PLCXD3: variants seen among roughly 807,000 people sequenced by gnomAD.
PLCXD3 encodes PI-PLC X domain-containing protein 3.
Under a neutral mutation model 25.5 loss-of-function variants are expected in PLCXD3, and 19 were observed. The ratio of observed to expected loss-of-function variants is 0.75; its 90% CI spans 0.52 to 1.09. The LOEUF (loss-of-function observed/expected upper bound fraction) is 1.09, where lower values mean the gene tolerates loss of function less well. Among genes scored for constraint, PLCXD3 ranks in the 50% least tolerant of loss-of-function variants. The probability of loss-of-function intolerance (pLI) is 0.00; values close to 1 mark genes in which losing one functional copy is unlikely to be tolerated. For missense variants in PLCXD3, 411 were observed against 388.1 expected (o/e 1.06, Z -0.50); for synonymous variants, 174 against 137.6 (o/e 1.26, Z -1.85).
intron 2 of PLCXD3, among the ~76,000 whole-genome samples, chr5:41,360,452 A>G (rs372968649): frequency 9.2e-5 from 14 of 152,246 alleles, no homozygotes; most frequent in African/African-American, 3.4e-4. Flanking sequence ...TATTACCAGA[A>G]TTGTTTTTCT....
At chr5:41,473,689 C>T (rs1224354807) in intron 1 of PLCXD3, among the ~76,000 whole-genome samples, 1 of 152,068 alleles carries the variant, frequency 6.6e-6, no homozygotes, top group Non-Finnish European at 1.5e-5. Context: ...ATCTCCTGAC[C>T]TCGTGATCTG....
In PLCXD3 at chr5:41,496,872, CTT is replaced by C. The variant is rs369018524; in HGVS notation, c.103+13550_103+13551del. ...TAAAAGACAAGAATGTTAAAAATAA[CTT>C]ATAGCTAGAAAAATATATTAAAGGA... On this transcript the variant is annotated intron_variant, in intron 1 of 2. Coordinates refer to ENST00000377801, the MANE Select transcript of PLCXD3 (RefSeq NM_001005473.3). 8.3e-4 allele frequency among the ~76,000 whole-genome samples: 126 copies of C among 151,376 alleles called. 1 individual carries two copies. In the East Asian group the frequency reaches 0.016, roughly 20 times the overall value.
chr5:41,469,200 C>A (rs992400594), intron 1 of PLCXD3, among the ~76,000 whole-genome samples: 1 of 152,042 alleles, frequency 6.6e-6, no homozygotes, highest in Non-Finnish European at 1.5e-5. Flanking sequence ...ATATATTGAA[C>A]CATTTTTGCT....
intron 1 of PLCXD3, among the ~76,000 whole-genome samples, chr5:41,404,258 C>G (rs1216984321): frequency 6.6e-6 from 1 of 152,132 alleles, no homozygotes; most frequent in Non-Finnish European, 1.5e-5. Context: ...ATACCTTTCA[C>G]ACCTACTTTG....
Position 41,311,195 on chromosome 5 carries a change from C to T in PLCXD3, c.*2422G>A, listed in dbSNP as rs1454420472. 6.6e-6 allele frequency: 1 copy of T among 151,848 alleles called. No homozygotes were observed. The highest frequency in any genetic ancestry group is 2.4e-5 in the African/African-American group (1 of 41,322). The allele number at this position is 151,848 out of a possible 1,614,324, so 9.4% of individuals were successfully genotyped here. On this transcript the variant is annotated 3_prime_UTR_variant, in exon 3 of 3. Coordinates refer to ENST00000377801, the MANE Select transcript of PLCXD3 (RefSeq NM_001005473.3). Reference sequence around the variant, plus strand: ...ATAGCCAGTTAGAGAGAAAGTCTGCCCAAAAACCAAATTTACGGGACATAC... The same window carrying T: ...ATAGCCAGTTAGAGAGAAAGTCTGCTCAAAAACCAAATTTACGGGACATAC...
At chr5:41,368,087 C>G (rs1175718717) in intron 2 of PLCXD3, among the ~76,000 whole-genome samples, 1 of 152,110 alleles carries the variant, frequency 6.6e-6, no homozygotes, top group African/African-American at 2.4e-5. Context: ...TCTTTATATC[C>G]ATGAGCATGG....
chr5:41,421,570 G>A (rs1194933634), intron 1 of PLCXD3, among the ~76,000 whole-genome samples: 5 of 152,024 alleles, frequency 3.3e-5, no homozygotes, highest in Admixed American at 2.6e-4. Flanking sequence ...GCGCGGTGGC[G>A]GGGGCCTGTA....
chr5:41,332,684 G>T (rs113663449), intron 2 of PLCXD3, among the ~76,000 whole-genome samples: 12,340 of 151,852 alleles, frequency 0.081, 790 homozygotes, highest in East Asian at 0.35. Context: ...GCAAAGACTT[G>T]GAACCAACCC....
intron 1 of PLCXD3, among the ~76,000 whole-genome samples, chr5:41,449,597 G>A (rs1747581286): frequency 6.6e-6 from 1 of 152,160 alleles, no homozygotes; most frequent in Admixed American, 6.5e-5. Context: ...GTGAGATAGG[G>A]AAGGGAAAAA....
intron 1 of PLCXD3, among the ~76,000 whole-genome samples, chr5:41,446,545 T>C (rs1747508954): frequency 6.6e-6 from 1 of 152,080 alleles, no homozygotes; most frequent in Non-Finnish European, 1.5e-5. Context: ...TTCTTTTTTT[T>C]TTTTTCATTT....
At chr5:41,333,347 T>G (rs1743888525) in intron 2 of PLCXD3, among the ~76,000 whole-genome samples, 1 of 152,132 alleles carries the variant, frequency 6.6e-6, no homozygotes, top group Admixed American at 6.6e-5. Context: ...TTTGAAAGTT[T>G]AGAAATTTCA....
chr5:41,455,113 C>T (rs1399173787), intron 1 of PLCXD3, among the ~76,000 whole-genome samples: 1 of 151,922 alleles, frequency 6.6e-6, no homozygotes, highest in Admixed American at 6.6e-5. Context: ...TCCCTTGGTA[C>T]ATGAGGATCA....
intron 2 of PLCXD3, among the ~76,000 whole-genome samples, chr5:41,357,773 T>G: frequency 6.6e-6 from 1 of 152,322 alleles, no homozygotes; most frequent in South Asian, 2.1e-4. Context: ...ATGATATGTA[T>G]AATAAAAAGC....
At chr5:41,389,054 AT>A (rs1031225069) in intron 1 of PLCXD3, among the ~76,000 whole-genome samples, 19 of 151,222 alleles carry the variant, frequency 1.3e-4, no homozygotes, top group African/African-American at 2.7e-4. Context: ...TACTTGCTTG[AT>A]TTTTTTTTAA....
chr5:41,360,138 C>T (rs763461565), intron 2 of PLCXD3, among the ~76,000 whole-genome samples: 1 of 152,080 alleles, frequency 6.6e-6, no homozygotes, highest in Non-Finnish European at 1.5e-5. Context: ...ATTGCTGAGA[C>T]TTTCTAGTAC....
intron 2 of PLCXD3, among the ~76,000 whole-genome samples, chr5:41,366,449 T>G (rs77841728): frequency 0.11 from 16,744 of 152,274 alleles, 1,152 homozygotes; most frequent in Admixed American, 0.17. Flanking sequence ...CCATCATTTA[T>G]ATCTTCAATT....
chr5:41,382,641 A>T lies in PLCXD3; in HGVS notation c.104-107T>A, dbSNP rs1745506739. 4 of 829,528 alleles carry T rather than the reference A, an allele frequency of 4.8e-6. No individual in the cohort carries two copies. The East Asian group carries it at 1.1e-4, about 22-fold the overall frequency. The allele number at this position is 829,528 out of a possible 1,614,324, so 51.4% of individuals were successfully genotyped here. A position where few individuals can be genotyped will look rare whatever the true frequency, so the allele number is the denominator to read the frequency against. On this transcript the variant is annotated intron_variant, in intron 1 of 2. Coordinates refer to ENST00000377801, the MANE Select transcript of PLCXD3 (RefSeq NM_001005473.3). ...CCTCTCCCTCAAATGAGCCACAGAA[A>T]ATACTAAGAAATGTAATACTAGTTA...
At chr5:41,376,202 C>T (rs1423957924) in intron 2 of PLCXD3, among the ~76,000 whole-genome samples, 1 of 152,082 alleles carries the variant, frequency 6.6e-6, no homozygotes, top group Non-Finnish European at 1.5e-5. Flanking sequence ...CAAGGGATGT[C>T]ATCCATATAA....
Position 41,309,470 on chromosome 5 carries a change from T to A in PLCXD3, c.*4147A>T, listed in dbSNP as rs1457480625. The A allele has an allele frequency of 1.3e-5, 2 of 152,552 alleles. No homozygotes were observed. Among genetic ancestry groups the A allele is most frequent in the East Asian group, 3.8e-4 (2 of 5,196 alleles). 9.4% of individuals were successfully genotyped at this position (152,552 alleles called of 1,614,324 possible). A position where few individuals can be genotyped will look rare whatever the true frequency, so the allele number is the denominator to read the frequency against. ...ATCCTGAGGACACTGTGCATTATTT[T>A]CTATTAGCAATTCAAAGTGAGCACT... On this transcript the variant is annotated 3_prime_UTR_variant, in exon 3 of 3. Coordinates refer to ENST00000377801, the MANE Select transcript of PLCXD3 (RefSeq NM_001005473.3).
Sources: gnomAD v4.1 joint callset for allele counts (sites outside exome capture counted in the v4.1 genomes callset) on GRCh38, gnomAD v4.1.1 for gene constraint, MANE v1.5 for transcripts, NCBI Gene and HGNC (gene_info 2026-07-23, HGNC 2026-07-21) for gene names.